Variants in GPATCH2L observed in about 807,000 individuals in gnomAD.
GPATCH2L encodes the protein G patch domain-containing protein 2-like.
GPATCH2L carries 31 observed loss-of-function variants against 57.4 expected under a neutral mutation model. That is an observed-to-expected ratio of 0.54 (90% CI 0.41 to 0.73). GPATCH2L has a LOEUF of 0.73. Ranked by LOEUF, GPATCH2L falls within the 30% of genes least tolerant of loss-of-function variation. The probability of loss-of-function intolerance (pLI) is 0.00; values close to 1 mark genes in which losing one functional copy is unlikely to be tolerated. For synonymous variants in GPATCH2L, 199 were observed against 210.7 expected, an observed-to-expected ratio of 0.94 and a Z score of 0.48; for missense variants, 481 against 599.9, an observed-to-expected ratio of 0.80 and a Z score of 2.07.
At chr14:76,223,383 G>A (rs1166354502) in intron 1 of GPATCH2L, among the ~76,000 whole-genome samples, 4 of 152,138 alleles carry the variant, frequency 2.6e-5, no homozygotes, top group African/African-American at 4.8e-5. Context: ...ATATCCACAT[G>A]CGAAATAATG....
chr14:76,154,549 C>T lies in GPATCH2L; in HGVS notation c.186C>T (p.Ser62=), dbSNP rs1168941242. The change falls in exon 2 of 10, where the codon AGC becomes AGT. Residue 62 remains serine, a synonymous_variant. Transcript: ENST00000261530. The surrounding 1 kb of genome is among the most constrained non-coding windows in gnomAD (Gnocchi z 4.4). The part of the protein sequence containing the change: ...THLAEHTCCY[S]EASESSLDEA... ...TGGCAGAGCATACCTGCTGCTACAG[C>T]GAGGCCTCTGAGTCAAGTCTGGATG... The T allele has an allele frequency of 1.9e-6, 3 of 1,614,052 alleles. No individual in the cohort carries two copies. In the African/African-American group the frequency reaches 4.0e-5, roughly 22 times the overall value.
chr14:76,163,579 G>A (rs2591091), intron 2 of GPATCH2L, among the ~76,000 whole-genome samples: 31,247 of 152,102 alleles, frequency 0.21, 3,556 homozygotes, highest in African/African-American at 0.3. Flanking sequence ...AAGGTTGTCA[G>A]TGAGGAAATT....
downstream of GPATCH2L, among the ~76,000 whole-genome samples, chr14:76,217,547 A>G (rs2139858258): frequency 6.6e-6 from 1 of 152,208 alleles, no homozygotes; most frequent in African/African-American, 2.4e-5. Flanking sequence ...TTCCACACTA[A>G]ATACTACTAA....
chr14:76,189,854 T>C (rs1295561482), intron 8 of GPATCH2L, among the ~76,000 whole-genome samples: 2 of 152,132 alleles, frequency 1.3e-5, no homozygotes, highest in East Asian at 3.8e-4. Context: ...ATATGGCTTT[T>C]ATTGTGTTGA....
intron 9 of GPATCH2L, among the ~76,000 whole-genome samples, chr14:76,201,308 A>G (rs2040304999): frequency 6.6e-6 from 1 of 152,164 alleles, no homozygotes; most frequent in South Asian, 2.1e-4. Flanking sequence ...TCCCTGATCT[A>G]GAAAGTGGAG....
At chr14:76,152,767 G>T (rs148942909) in intron 1 of GPATCH2L, 225 of 455,994 alleles carry the variant, frequency 4.9e-4, no homozygotes, top group African/African-American at 3.9e-3. Context: ...TGTTCTGCCT[G>T]AGGTTTTTAT....
intron 3 of GPATCH2L, among the ~76,000 whole-genome samples, chr14:76,168,846 T>C (rs2038962251): frequency 6.6e-6 from 1 of 152,250 alleles, no homozygotes; most frequent in Non-Finnish European, 1.5e-5. Flanking sequence ...TAATGCAGTC[T>C]ACCACATTAG....
At chr14:76,199,735 G>C (rs1287779934) in intron 9 of GPATCH2L, among the ~76,000 whole-genome samples, 1 of 152,096 alleles carries the variant, frequency 6.6e-6, no homozygotes, top group Non-Finnish European at 1.5e-5. Flanking sequence ...ATGCATTGCT[G>C]TGGAAAACAG....
At chr14:76,182,373 A>AAAAG (rs2039599639) in intron 8 of GPATCH2L, among the ~76,000 whole-genome samples, 1 of 147,092 alleles carries the variant, frequency 6.8e-6, no homozygotes, top group Non-Finnish European at 1.5e-5. Flanking sequence ...GAAAAAAAAA[A>AAAAG]AAAAAAAAAA....
chr14:76,176,571 A>C, intron 5 of GPATCH2L, 52 bp from the exon 6 acceptor site: 1 of 1,220,656 alleles, frequency 8.2e-7, no homozygotes, highest in Admixed American at 1.7e-5. Flanking sequence ...ATTGTACTTT[A>C]TATGTTTGTT....
At chr14:76,166,595 A>C in intron 2 of GPATCH2L, 68 bp from the exon 3 acceptor site, 1 of 1,044,650 alleles carries the variant, frequency 9.6e-7, no homozygotes, top group South Asian at 1.3e-5. Context: ...TGAAAACCAA[A>C]ATAAGTGTAC....
At chr14:76,191,529 G>A (rs2039962299) in intron 8 of GPATCH2L, among the ~76,000 whole-genome samples, 1 of 152,036 alleles carries the variant, frequency 6.6e-6, no homozygotes, top group Non-Finnish European at 1.5e-5. Context: ...TATTCTGAAT[G>A]TGCCGTGCCA....
intron 8 of GPATCH2L, among the ~76,000 whole-genome samples, chr14:76,182,363 G>A (rs142875203): frequency 3.4e-3 from 290 of 85,632 alleles, no homozygotes; most frequent in African/African-American, 5.4e-3. Context: ...TCTCAGAAAA[G>A]AAAAAAAAAA....
At chr14:76,184,133 C>T (rs1465683877) in intron 8 of GPATCH2L, among the ~76,000 whole-genome samples, 4 of 151,832 alleles carry the variant, frequency 2.6e-5, no homozygotes, top group African/African-American at 9.7e-5. Context: ...TGTTTTATCA[C>T]AGCTTTCCCC....
At chr14:76,152,319 AAC>A (rs2038083091) in intron 1 of GPATCH2L, among the ~76,000 whole-genome samples, 1 of 152,034 alleles carries the variant, frequency 6.6e-6, no homozygotes, top group African/African-American at 2.4e-5. Flanking sequence ...AGTCCTTCGA[AAC>A]ACAGTTTTTG....
At chr14:76,232,038 A>G (rs1204571787) in intron 2 of GPATCH2L, among the ~76,000 whole-genome samples, 2 of 152,270 alleles carry the variant, frequency 1.3e-5, no homozygotes, top group Non-Finnish European at 2.9e-5. Context: ...CAGCCCTCCA[A>G]GTAGCTGGGA....
chr14:76,230,770 A>T (rs17104277), intron 2 of GPATCH2L, among the ~76,000 whole-genome samples: 27,735 of 152,142 alleles, frequency 0.18, 3,160 homozygotes, highest in African/African-American at 0.33. Context: ...GAAGTAATCA[A>T]CTTTAATTCA....
At chr14:76,167,939 A>G (rs1220776719) in intron 3 of GPATCH2L, among the ~76,000 whole-genome samples, 1 of 152,188 alleles carries the variant, frequency 6.6e-6, no homozygotes, top group Non-Finnish European at 1.5e-5. Flanking sequence ...AAGTATAGAG[A>G]TGGAAGAAAG....
intron 5 of GPATCH2L, chr14:76,175,547 G>A (rs2039284984): frequency 6.6e-6 from 1 of 152,040 alleles, no homozygotes; most frequent in African/African-American, 2.4e-5. Context: ...TAATTTTTCT[G>A]CTGTAACAAA....
Sources: allele counts gnomAD v4.1 joint callset (sites outside exome capture counted in the v4.1 genomes callset), GRCh38; gene constraint gnomAD v4.1.1; non-coding constraint Gnocchi (gnomAD v3.1); transcripts MANE v1.5; gene names NCBI Gene and HGNC (gene_info 2026-07-23, HGNC 2026-07-21).